Variants in MRM1 observed in about 807,000 individuals in gnomAD.
MRM1 encodes mitochondrial rRNA methyltransferase 1.
Under a neutral mutation model 25.0 loss-of-function variants are expected in MRM1, and 24 were observed. The observed-to-expected ratio is 0.96, with a 90% CI of 0.69 to 1.35. MRM1 has a LOEUF of 1.35. MRM1 is among the 40% of genes most tolerant of loss of function. MRM1 has a pLI of 0.00. For synonymous variants in MRM1, 188 were observed against 199.2 expected, an observed-to-expected ratio of 0.94 and a Z score of 0.47; for missense variants, 431 against 464.1, an observed-to-expected ratio of 0.93 and a Z score of 0.65.
Position 36,601,588 on chromosome 17 carries a change from C to G in MRM1, c.-223C>G. 1 of 487,584 alleles carries G rather than the reference C, an allele frequency of 2.1e-6. No homozygotes were observed. Among genetic ancestry groups the G allele is most frequent in the Non-Finnish European group, 3.6e-6 (1 of 281,324 alleles). 30.2% of individuals were successfully genotyped at this position (487,584 alleles called of 1,614,324 possible). A position where few individuals can be genotyped will look rare whatever the true frequency, so the allele number is the denominator to read the frequency against. ...CCGGGGAGGGGCGGGCTCCCGAACC[C>G]GGAAGCGAGGGACCCACGTGGGAGC... On this transcript the variant is annotated 5_prime_UTR_variant, in exon 1 of 5. Coordinates refer to ENST00000614766, the MANE Select transcript of MRM1 (RefSeq NM_024864.5).
At chr17:36,605,343 C>CT (rs71159625) in intron 2 of MRM1, among the ~76,000 whole-genome samples, 46,234 of 144,738 alleles carry the variant, frequency 0.32, 8,320 homozygotes, top group Non-Finnish European at 0.42. Flanking sequence ...TTTTCTTTTT[C>CT]TTTTTTTTTT....
At chr17:36,615,279 T>C in the MRM1 span, among the ~76,000 whole-genome samples, 1 of 152,160 alleles carries the variant, frequency 6.6e-6, no homozygotes, top group Non-Finnish European at 1.5e-5. Context: ...CCCTTCGGGC[T>C]CCAGCTTTCT....
Position 36,604,800 on chromosome 17 carries a change from C to CA in MRM1, c.636+2166dup, listed in dbSNP as rs1237677949. Among the ~76,000 whole-genome samples the CA allele has an allele frequency of 9.3e-3, 1,225 of 132,394 alleles. 15 individuals are homozygous for CA. The highest frequency in any genetic ancestry group is 0.03 in the African/African-American group (1,078 of 35,808). The allele number at this position is 132,394 out of a possible 152,430, so 86.9% of individuals were successfully genotyped here. A position where few individuals can be genotyped will look rare whatever the true frequency, so the allele number is the denominator to read the frequency against. The stretch of plus-strand genomic sequence containing the variant: ...CAGCCTGAGTGACAGAGTGACGTGT[C>CA]AAAAAAAAAAAAGAGATGAGGTCTT... On this transcript the variant is annotated intron_variant, in intron 2 of 4. Transcript: ENST00000614766.
At position 36,602,209 on chromosome 17, in the gene MRM1, G is replaced by T. The variant is rs1739434098; in HGVS notation, c.399G>T (p.Glu133Asp). ...CGCTGCGGCCCCGGCCTTGGAGAGA[G>T]GCCGGGGAGGCGAGCCCAGGCGACG... ...VSPLRPRPWREAGEASPGDDP... is the reference protein window; with the variant it reads ...VSPLRPRPWRDAGEASPGDDP... Residue 133 changes from glutamate (E) to aspartate (D), a missense_variant, in exon 1 of 5, where the codon GAG (glutamate) becomes GAT (aspartate). Physicochemically the swap from Glu to Asp is conservative, Grantham distance 45. Coordinates refer to ENST00000614766, the MANE Select transcript of MRM1 (RefSeq NM_024864.5). The surrounding 1 kb of genome is among the most constrained non-coding windows in gnomAD (Gnocchi z 4.1). 1 of 1,610,620 alleles carries T rather than the reference G, an allele frequency of 6.2e-7. No homozygotes were observed. Among genetic ancestry groups the T allele is most frequent in the Non-Finnish European group, 8.5e-7 (1 of 1,177,974 alleles).
intron 2 of MRM1, among the ~76,000 whole-genome samples, chr17:36,604,594 C>G (rs1002662441): frequency 1.3e-5 from 2 of 151,324 alleles, no homozygotes; most frequent in Non-Finnish European, 2.9e-5. Flanking sequence ...ATCATGAGGT[C>G]AGGAGATCAA....
intron 2 of MRM1, among the ~76,000 whole-genome samples, chr17:36,604,868 G>A (rs1050129723): frequency 7.3e-5 from 11 of 150,588 alleles, no homozygotes; most frequent in African/African-American, 7.3e-5. Flanking sequence ...GGCCAGGCAC[G>A]GTGGCTCACG....
At chr17:36,619,570 A>T in the MRM1 span, among the ~76,000 whole-genome samples, 1 of 152,150 alleles carries the variant, frequency 6.6e-6, no homozygotes, top group East Asian at 1.9e-4. Flanking sequence ...TGGAAAGCTG[A>T]GGCAGGAGAA....
At chr17:36,605,948 C>T (rs2074925049) in intron 2 of MRM1, among the ~76,000 whole-genome samples, 1 of 152,126 alleles carries the variant, frequency 6.6e-6, no homozygotes, top group Non-Finnish European at 1.5e-5. Flanking sequence ...TACCATGTTA[C>T]TTCTCTGCTC....
the MRM1 span, among the ~76,000 whole-genome samples, chr17:36,623,095 G>A: frequency 1.3e-5 from 2 of 152,178 alleles, no homozygotes; most frequent in Non-Finnish European, 2.9e-5. Context: ...TATCACTGCC[G>A]CCTTTTGCCC....
At chr17:36,620,346 AATG>A in the MRM1 span, among the ~76,000 whole-genome samples, 2 of 152,124 alleles carry the variant, frequency 1.3e-5, no homozygotes, top group African/African-American at 4.8e-5. Context: ...CAGTTGAGGG[AATG>A]ATGACGTGTT....
rs1471197096 is a variant in MRM1 at position 36,608,140 on chromosome 17, A to G, written c.890-103A>G. 18 of 1,525,614 alleles carry G rather than the reference A, an allele frequency of 1.2e-5. 1 individual carries two copies. The Middle Eastern group carries it at 5.3e-4, about 45-fold the overall frequency. 94.5% of individuals were successfully genotyped at this position (1,525,614 alleles called of 1,614,324 possible). A position where few individuals can be genotyped will look rare whatever the true frequency, so the allele number is the denominator to read the frequency against. On this transcript the variant is annotated intron_variant, in intron 4 of 4. Coordinates refer to ENST00000614766, the MANE Select transcript of MRM1 (RefSeq NM_024864.5). The stretch of plus-strand genomic sequence containing the variant: ...AGTTGCTTTATGTACAAAATGGGGA[A>G]ATTACATCCCGTTGATGAGATGAGG...
the MRM1 span, among the ~76,000 whole-genome samples, chr17:36,616,822 C>T: frequency 2.6e-5 from 4 of 152,180 alleles, no homozygotes; most frequent in African/African-American, 7.2e-5. Context: ...CCTCCAACTC[C>T]GGGCTCAAGT....
chr17:36,623,121 G>A, the MRM1 span, among the ~76,000 whole-genome samples: 4 of 152,316 alleles, frequency 2.6e-5, no homozygotes, highest in Admixed American at 6.5e-5. Context: ...CTGCACAGGC[G>A]TGTCATGTGA....
At chr17:36,613,099 T>C (rs1464481205), downstream of MRM1, among the ~76,000 whole-genome samples, 3 of 152,138 alleles carry the variant, frequency 2.0e-5, no homozygotes, top group South Asian at 4.2e-4. Flanking sequence ...GAATTGGCAG[T>C]GACTTGGTAT....
At chr17:36,610,340 C>G (rs1011411155), downstream of MRM1, among the ~76,000 whole-genome samples, 3 of 151,800 alleles carry the variant, frequency 2.0e-5, no homozygotes, top group African/African-American at 7.3e-5. Flanking sequence ...TCATGCCACT[C>G]TCTTGCCTCA....
chr17:36,610,135 C>T (rs1248995073), downstream of MRM1, among the ~76,000 whole-genome samples: 7 of 152,084 alleles, frequency 4.6e-5, no homozygotes, highest in Non-Finnish European at 1.0e-4. Flanking sequence ...ACTGTGTTGG[C>T]CAAGCTGGTC....
chr17:36,620,917 G>T, the MRM1 span, among the ~76,000 whole-genome samples: 1 of 152,216 alleles, frequency 6.6e-6, no homozygotes, highest in East Asian at 1.9e-4. Context: ...CCTGCCAGGT[G>T]CTGCTTGCAG....
At chr17:36,624,894 C>A in the MRM1 span, among the ~76,000 whole-genome samples, 1 of 152,126 alleles carries the variant, frequency 6.6e-6, no homozygotes, top group Non-Finnish European at 1.5e-5. This position sits in a 1 kb window ranked among gnomAD's most constrained non-coding sequence, Gnocchi z 4.0. Context: ...TCCAGCTCCC[C>A]ACCCCTCCAC....
chr17:36,604,036 T>C (rs2142835195), intron 2 of MRM1, among the ~76,000 whole-genome samples: 1 of 152,330 alleles, frequency 6.6e-6, no homozygotes, highest in South Asian at 2.1e-4. Flanking sequence ...GAGAGTGTCA[T>C]CCGCCTGTTG....
Sources: gnomAD v4.1 joint callset for allele counts (sites outside exome capture counted in the v4.1 genomes callset) on GRCh38, gnomAD v4.1.1 for gene constraint, Gnocchi (gnomAD v3.1) non-coding constraint, MANE v1.5 for transcripts, NCBI Gene and HGNC (gene_info 2026-07-23, HGNC 2026-07-21) for gene names.